SUGCT: variants seen among roughly 807,000 people sequenced by gnomAD.
SUGCT encodes succinyl-CoA:glutarate CoA-transferase.
SUGCT carries 41 observed loss-of-function variants against 55.0 expected under a neutral mutation model. The ratio of observed to expected loss-of-function variants is 0.74; its 90% CI spans 0.58 to 0.97. The LOEUF (loss-of-function observed/expected upper bound fraction) is 0.97, where lower values mean the gene tolerates loss of function less well. Among genes scored for constraint, SUGCT ranks in the 50% least tolerant of loss-of-function variants. The pLI is 0.00. For synonymous variants in SUGCT, 187 were observed against 200.4 expected, an observed-to-expected ratio of 0.93 and a Z score of 0.56; for missense variants, 568 against 547.8, an observed-to-expected ratio of 1.04 and a Z score of -0.37.
chr7:40,358,050 A>G (rs1317704365), intron 9 of SUGCT, among the ~76,000 whole-genome samples: 1 of 152,218 alleles, frequency 6.6e-6, no homozygotes, highest in Non-Finnish European at 1.5e-5. Flanking sequence ...TAGCACATAG[A>G]TGCCCAATAA....
At chr7:40,843,049 C>T (rs772881853) in intron 13 of SUGCT, among the ~76,000 whole-genome samples, 1 of 152,146 alleles carries the variant, frequency 6.6e-6, no homozygotes, top group Non-Finnish European at 1.5e-5. Context: ...GTCCCTCATT[C>T]ACTCCCTCTT....
At chr7:40,969,841 A>G in the SUGCT span, among the ~76,000 whole-genome samples, 1 of 152,238 alleles carries the variant, frequency 6.6e-6, no homozygotes, top group Non-Finnish European at 1.5e-5. Context: ...GAAAAGGTTT[A>G]AAGTATCTCT....
At chr7:40,556,751 TTAAA>T (rs939654353) in intron 12 of SUGCT, among the ~76,000 whole-genome samples, 22 of 152,194 alleles carry the variant, frequency 1.4e-4, no homozygotes, top group African/African-American at 4.6e-4. Context: ...GTTATGAGGA[TTAAA>T]TAAATTAATA....
chr7:40,548,426 G>A (rs564450943), intron 12 of SUGCT, among the ~76,000 whole-genome samples: 1 of 152,114 alleles, frequency 6.6e-6, no homozygotes, highest in Admixed American at 6.5e-5. Context: ...TTGACCTCCT[G>A]TCTTCAAGCA....
At chr7:40,665,022 C>T (rs999426273) in intron 12 of SUGCT, among the ~76,000 whole-genome samples, 2 of 150,958 alleles carry the variant, frequency 1.3e-5, no homozygotes, top group Admixed American at 6.6e-5. Context: ...ATTTTTATGG[C>T]GATCTAATTT....
In SUGCT at chr7:40,853,426, G is replaced by A. The variant is rs372674315; in HGVS notation, c.1154-6890G>A. 1.4e-3 allele frequency among the ~76,000 whole-genome samples: 212 copies of A among 152,040 alleles called. 5 individuals carry two copies. The South Asian group carries it at 0.037, about 27-fold the overall frequency. ...GTCTCCCAGGCTGGAGTGCAGTGGC[G>A]CAATCTTGGCTCACTGCAACCTCCG... On this transcript the variant is annotated intron_variant, in intron 13 of 13. Coordinates refer to ENST00000335693, the MANE Select transcript of SUGCT (RefSeq NM_001193313.2).
In SUGCT at chr7:40,452,369, G is replaced by T. The variant is rs375205401; in HGVS notation, c.888+3011G>T. Among the ~76,000 whole-genome samples the T allele has an allele frequency of 1.5e-4, 23 of 152,256 alleles. No individual in the cohort carries two copies. In the East Asian group the frequency reaches 4.2e-3, roughly 28 times the overall value. On this transcript the variant is annotated intron_variant, in intron 10 of 13. Coordinates refer to ENST00000335693, the MANE Select transcript of SUGCT (RefSeq NM_001193313.2). Reference sequence around the variant, plus strand: ...CTTTTGAAAGTAATGTAGACTGAAGGCTTCTTTTACTGGAGAGACTATACA... The same window carrying T: ...CTTTTGAAAGTAATGTAGACTGAAGTCTTCTTTTACTGGAGAGACTATACA...
intron 12 of SUGCT, among the ~76,000 whole-genome samples, chr7:40,506,882 G>A (rs555334936): frequency 2.6e-5 from 4 of 152,136 alleles, no homozygotes; most frequent in East Asian, 1.9e-4. Context: ...TATTTGGTTC[G>A]TTTTAATAAC....
intron 4 of SUGCT, among the ~76,000 whole-genome samples, chr7:40,189,321 G>A (rs1422430301): frequency 1.3e-5 from 2 of 150,644 alleles, no homozygotes; most frequent in Non-Finnish European, 2.9e-5. Context: ...CAGCCTGGGT[G>A]ACAGAGCAAG....
At chr7:40,479,321 AT>A (rs1790891940) in intron 11 of SUGCT, among the ~76,000 whole-genome samples, 1 of 152,076 alleles carries the variant, frequency 6.6e-6, no homozygotes, top group Non-Finnish European at 1.5e-5. Context: ...ATAATAATGA[AT>A]TTTTGTTGTT....
the SUGCT span, among the ~76,000 whole-genome samples, chr7:40,894,186 G>C: frequency 1.3e-5 from 2 of 152,018 alleles, no homozygotes; most frequent in African/African-American, 4.8e-5. Flanking sequence ...CACATGTACA[G>C]CCATCCAATC....
intron 9 of SUGCT, among the ~76,000 whole-genome samples, chr7:40,444,007 A>C (rs1422856343): frequency 6.6e-6 from 1 of 152,088 alleles, no homozygotes; most frequent in East Asian, 1.9e-4. Flanking sequence ...TGTTTTTGTC[A>C]GGCTTGTCAA....
chr7:40,666,422 T>TC (rs1801645079), intron 12 of SUGCT, among the ~76,000 whole-genome samples: 3 of 141,026 alleles, frequency 2.1e-5, no homozygotes, highest in Non-Finnish European at 4.6e-5. Context: ...TAGGTTAGTT[T>TC]TTTTTTTTTT....
chr7:40,431,936 T>A (rs556582978), intron 9 of SUGCT, among the ~76,000 whole-genome samples: 1 of 152,166 alleles, frequency 6.6e-6, no homozygotes, highest in Non-Finnish European at 1.5e-5. Context: ...TCATTGTTGG[T>A]TTTTTCCCCC....
intron 6 of SUGCT, among the ~76,000 whole-genome samples, chr7:40,201,823 A>G (rs937474042): frequency 1.3e-5 from 2 of 152,138 alleles, no homozygotes; most frequent in African/African-American, 4.8e-5. Flanking sequence ...CACATATAAC[A>G]GATGTGTTAC....
intron 9 of SUGCT, among the ~76,000 whole-genome samples, chr7:40,388,817 C>T (rs534902196): frequency 3.2e-4 from 48 of 152,186 alleles, no homozygotes; most frequent in African/African-American, 1.1e-3. Flanking sequence ...GCACAGTCTC[C>T]TATTATTTTG....
At chr7:40,864,171 A>G (rs1794540604), downstream of SUGCT, among the ~76,000 whole-genome samples, 2 of 152,260 alleles carry the variant, frequency 1.3e-5, no homozygotes, top group African/African-American at 2.4e-5. Flanking sequence ...GTTCCTTTCA[A>G]CATCTCAGTT....
chr7:40,935,524 G>A, the SUGCT span, among the ~76,000 whole-genome samples: 1 of 152,008 alleles, frequency 6.6e-6, no homozygotes, highest in African/African-American at 2.4e-5. Flanking sequence ...TTTGTGTCTG[G>A]CTTCTTTTAC....
intron 12 of SUGCT, among the ~76,000 whole-genome samples, chr7:40,517,215 G>T (rs1458020086): frequency 5.5e-5 from 8 of 145,400 alleles, no homozygotes; most frequent in Non-Finnish European, 1.2e-4. Context: ...TCACTTATTA[G>T]TTCCAGTAGC....
Sources: allele counts gnomAD v4.1 joint callset (sites outside exome capture counted in the v4.1 genomes callset), GRCh38; gene constraint gnomAD v4.1.1; transcripts MANE v1.5; gene names NCBI Gene and HGNC (gene_info 2026-07-23, HGNC 2026-07-21).